The following CTNNA3 variants were observed in gnomAD, a reference collection of about 807,000 sequenced individuals.
CTNNA3 encodes the protein catenin alpha 3.
A neutral mutation model predicts 95.7 loss-of-function variants in CTNNA3; 76 were observed. The ratio of observed to expected loss-of-function variants is 0.79; its 90% CI spans 0.66 to 0.96. The LOEUF (loss-of-function observed/expected upper bound fraction) is 0.96. Among genes scored for constraint, CTNNA3 ranks in the 40% least tolerant of loss-of-function variants. The pLI is 0.00. For missense variants in CTNNA3, 1,191 were observed against 1,089.8 expected, an observed-to-expected ratio of 1.09 and a Z score of -1.31; for synonymous variants, 431 against 374.4, an observed-to-expected ratio of 1.15 and a Z score of -1.74.
chr10:66,801,587 A>AT (rs2132234866), intron 7 of CTNNA3, among the ~76,000 whole-genome samples: 1 of 151,750 alleles, frequency 6.6e-6, no homozygotes, highest in South Asian at 2.1e-4. Context: ...ACTATGAAAT[A>AT]TTTTTGAGAC....
chr10:66,617,880 A>T (rs888977987), intron 10 of CTNNA3, among the ~76,000 whole-genome samples: 1 of 151,176 alleles, frequency 6.6e-6, no homozygotes, highest in South Asian at 2.1e-4. Flanking sequence ...ATATAAAACC[A>T]ATGTACAAAA....
At position 66,651,803 on chromosome 10, in the gene CTNNA3, C is replaced by CCTTGATCGCGGCACACAGCAGCGCT. The variant is rs574438926; in HGVS notation, c.1282-30020_1282-30019insAGCGCTGCTGTGTGCCGCGATCAAG. On this transcript the variant is annotated intron_variant, in intron 9 of 17. Transcript: ENST00000433211. The stretch of plus-strand genomic sequence containing the variant: ...ACGCCCACCCAGAACCCGCATTGGC[C>CCTTGATCGCGGCACACAGCAGCGCT]GGTTCCCACCCGCGCCTCTCCCTCT... Among the ~76,000 whole-genome samples, 240 of 152,110 alleles carry CCTTGATCGCGGCACACAGCAGCGCT rather than the reference C, an allele frequency of 1.6e-3. 2 individuals are homozygous for CCTTGATCGCGGCACACAGCAGCGCT. Among genetic ancestry groups the CCTTGATCGCGGCACACAGCAGCGCT allele is most frequent in the African/African-American group, 5.5e-3 (227 of 41,540 alleles).
intron 13 of CTNNA3, among the ~76,000 whole-genome samples, chr10:66,259,513 T>C (rs1443018173): frequency 6.6e-6 from 1 of 152,130 alleles, no homozygotes; most frequent in Non-Finnish European, 1.5e-5. Context: ...AAACTTCTTA[T>C]CTGAGGAATT....
At chr10:66,515,263 CTATA>C (rs1326849415) in intron 11 of CTNNA3, among the ~76,000 whole-genome samples, 1 of 69,928 alleles carries the variant, frequency 1.4e-5, no homozygotes, top group Non-Finnish European at 2.8e-5. Context: ...CCCTTATTCC[CTATA>C]TCTATCTATC....
At chr10:66,028,805 AGTT>A (rs2079394963) in intron 15 of CTNNA3, among the ~76,000 whole-genome samples, 1 of 152,138 alleles carries the variant, frequency 6.6e-6, no homozygotes, top group South Asian at 2.1e-4. Context: ...AAGGAATAGA[AGTT>A]AAACTAAACC....
intron 7 of CTNNA3, among the ~76,000 whole-genome samples, chr10:67,062,860 G>C (rs1181834136): frequency 6.6e-6 from 1 of 152,162 alleles, no homozygotes; most frequent in Non-Finnish European, 1.5e-5. Context: ...TGTCAGACCT[G>C]AAGTTTGTGT....
intron 15 of CTNNA3, among the ~76,000 whole-genome samples, chr10:66,064,680 T>A (rs1401102786): frequency 6.6e-6 from 1 of 152,200 alleles, no homozygotes; most frequent in Non-Finnish European, 1.5e-5. Flanking sequence ...CTCCGGACTA[T>A]GTGTCTCCTC....
intron 11 of CTNNA3, among the ~76,000 whole-genome samples, chr10:66,469,211 C>T (rs1589293391): frequency 6.6e-6 from 1 of 151,838 alleles, no homozygotes; most frequent in Non-Finnish European, 1.5e-5. Context: ...TAAATAGTAA[C>T]ACAAACATAT....
At chr10:66,680,310 A>G (rs1200297440) in intron 9 of CTNNA3, among the ~76,000 whole-genome samples, 1 of 152,118 alleles carries the variant, frequency 6.6e-6, no homozygotes, top group Non-Finnish European at 1.5e-5. Flanking sequence ...GATTACAGAC[A>G]TCAGCCACCA....
intron 3 of CTNNA3, among the ~76,000 whole-genome samples, chr10:67,589,790 AC>A (rs1842738569): frequency 6.6e-6 from 1 of 152,174 alleles, no homozygotes; most frequent in African/African-American, 2.4e-5. Context: ...ATCTCATAGT[AC>A]TACTAAGCCA....
chr10:66,789,419 C>T (rs1389018552), intron 7 of CTNNA3, among the ~76,000 whole-genome samples: 1 of 152,126 alleles, frequency 6.6e-6, no homozygotes, highest in East Asian at 1.9e-4. Context: ...AGATAATCCA[C>T]CCGCCTCAGC....
At chr10:67,376,203 A>G (rs978171034) in intron 5 of CTNNA3, among the ~76,000 whole-genome samples, 7 of 152,192 alleles carry the variant, frequency 4.6e-5, no homozygotes, top group African/African-American at 1.4e-4. Flanking sequence ...TACTAGCCAC[A>G]TCTATGTCTT....
intron 9 of CTNNA3, among the ~76,000 whole-genome samples, chr10:66,740,380 T>C (rs1180711358): frequency 6.6e-6 from 1 of 152,108 alleles, no homozygotes; most frequent in Non-Finnish European, 1.5e-5. Flanking sequence ...GCTCCCTAGG[T>C]TTAGAAGATT....
intron 15 of CTNNA3, among the ~76,000 whole-genome samples, chr10:66,004,001 G>C (rs2078828386): frequency 6.6e-6 from 1 of 152,264 alleles, no homozygotes; most frequent in African/African-American, 2.4e-5. Context: ...CTATAAACAA[G>C]AAAACAGAAT....
At chr10:66,447,637 A>C (rs1416709495) in intron 11 of CTNNA3, among the ~76,000 whole-genome samples, 1 of 152,186 alleles carries the variant, frequency 6.6e-6, no homozygotes, top group Non-Finnish European at 1.5e-5. Flanking sequence ...GAAAGCTAAA[A>C]CTGGATCCCT....
At chr10:66,491,089 T>C (rs989355178) in intron 11 of CTNNA3, among the ~76,000 whole-genome samples, 5 of 152,096 alleles carry the variant, frequency 3.3e-5, no homozygotes, top group Non-Finnish European at 7.4e-5. Context: ...GAAATGCAAT[T>C]GAAGAGCTGT....
chr10:66,463,118 G>A (rs12243127), intron 11 of CTNNA3, among the ~76,000 whole-genome samples: 16,323 of 152,020 alleles, frequency 0.11, 1,176 homozygotes, highest in African/African-American at 0.21. Context: ...AAATTTGACC[G>A]AGTTTAGCTA....
chr10:66,351,288 T>A (rs1397523977), intron 12 of CTNNA3, among the ~76,000 whole-genome samples: 4 of 152,038 alleles, frequency 2.6e-5, no homozygotes, highest in Non-Finnish European at 5.9e-5. Flanking sequence ...ATGTAGAAGG[T>A]TATTACAACA....
At chr10:66,325,584 TG>T (rs2092244428) in intron 12 of CTNNA3, among the ~76,000 whole-genome samples, 1 of 151,946 alleles carries the variant, frequency 6.6e-6, no homozygotes, top group Non-Finnish European at 1.5e-5. Flanking sequence ...ATGAAGACAA[TG>T]AAGGGTTGTT....
Sources: gnomAD v4.1 joint callset for allele counts (sites outside exome capture counted in the v4.1 genomes callset) on GRCh38, gnomAD v4.1.1 for gene constraint, MANE v1.5 for transcripts, NCBI Gene and HGNC (gene_info 2026-07-23, HGNC 2026-07-21) for gene names.